Variants in ZFYVE27 observed in about 807,000 individuals in gnomAD.
The protein encoded by ZFYVE27 is zinc finger FYVE-type containing 27.
ZFYVE27 carries 36 observed loss-of-function variants against 52.8 expected under a neutral mutation model. That is an observed-to-expected ratio of 0.68 (90% CI 0.52 to 0.90). ZFYVE27 has a LOEUF of 0.90. Among genes scored for constraint, ZFYVE27 ranks in the 40% least tolerant of loss-of-function variants. The pLI is 0.00. For synonymous variants in ZFYVE27, 223 were observed against 215.6 expected (o/e 1.03, Z -0.30); for missense variants, 450 against 527.2 (o/e 0.85, Z 1.43).
Position 97,760,318 on chromosome 10 carries a change from C to G in ZFYVE27, c.*1018C>G, listed in dbSNP as rs999689940. 4.6e-5 allele frequency: 7 copies of G among 152,196 alleles called. No homozygotes were observed. Among genetic ancestry groups the G allele is most frequent in the African/African-American group, 1.7e-4 (7 of 41,416 alleles). 9.4% of individuals were successfully genotyped at this position (152,196 alleles called of 1,614,324 possible). On this transcript the variant is annotated 3_prime_UTR_variant, in exon 13 of 13. Transcript: ENST00000684270. ...GGACAGTCTCAGTTATGGGATAAGG[C>G]CCCCTGGGGGTCTCCATTTCTTTCC...
chr10:97,744,818 T>C lies in ZFYVE27; in HGVS notation c.358T>C (p.Ser120Pro). Residue 120 changes from serine to proline, a missense_variant, in exon 4 of 13, where the codon TCC becomes CCC. Physicochemically the swap from Ser to Pro is moderately conservative, Grantham distance 74 (BLOSUM62 -1). Transcript: ENST00000684270. ...QEVCRARLPD[S>P]ELMRRKYHSV... ...GGTTTGCCGGGCACGGCTGCCTGAT[T>C]CCGAGCTGATGCGGAGGAAGTATCA... 1 of 1,614,018 alleles carries C rather than the reference T, an allele frequency of 6.2e-7. No individual in the cohort carries two copies.
At chr10:97,742,945 C>G (rs2044139846) in intron 2 of ZFYVE27, 149 bp from the exon 3 acceptor site, 2 of 827,246 alleles carry the variant, frequency 2.4e-6, no homozygotes, top group Non-Finnish European at 4.2e-6. Flanking sequence ...GGTCACCAGT[C>G]CAAGTGAGAG....
At chr10:97,755,642 T>A (rs2048163726) in intron 10 of ZFYVE27, among the ~76,000 whole-genome samples, 1 of 152,146 alleles carries the variant, frequency 6.6e-6, no homozygotes, top group African/African-American at 2.4e-5. Flanking sequence ...CACATGTGAA[T>A]GTTAGGGGAC....
chr10:97,754,458 A>G (rs1016114441), intron 10 of ZFYVE27, among the ~76,000 whole-genome samples: 1 of 152,034 alleles, frequency 6.6e-6, no homozygotes, highest in African/African-American at 2.4e-5. Context: ...GACTACAGGC[A>G]TGTAGCACCA....
rs759236295 is a variant in ZFYVE27, at chr10:97,744,742, A to G, written c.282A>G (p.Ser94=). The change falls in exon 4 of 13, where the codon TCA becomes TCG. Residue 94 remains serine (S), a synonymous_variant. Transcript: ENST00000684270. ...FLTLNEGAWY[S]VGALMISVPA... ...TTGATTCTGCAGGTGCATGGTACTC[A>G]GTAGGTGCCCTGATGATTTCAGTGC... 1 of 1,613,788 alleles carries G rather than the reference A, an allele frequency of 6.2e-7. No homozygotes were observed. Among genetic ancestry groups the G allele is most frequent in the South Asian group, 1.1e-5 (1 of 91,044 alleles).
chr10:97,749,670 C>G, intron 6 of ZFYVE27, 84 bp downstream of exon 6: 1 of 1,113,654 alleles, frequency 9.0e-7, no homozygotes, highest in Admixed American at 1.7e-5. Context: ...GTCTCTACAG[C>G]TAATCATCAG....
intron 2 of ZFYVE27, among the ~76,000 whole-genome samples, chr10:97,741,603 A>G (rs75995069): frequency 0.12 from 18,613 of 152,010 alleles, 1,129 homozygotes; most frequent in South Asian, 0.17. Context: ...ATCACACACC[A>G]TGGCCTATTG....
intron 2 of ZFYVE27, among the ~76,000 whole-genome samples, chr10:97,741,533 A>G (rs946545320): frequency 6.6e-6 from 1 of 152,148 alleles, no homozygotes; most frequent in Non-Finnish European, 1.5e-5. Flanking sequence ...CAAACACCAC[A>G]TGTTCTCACT....
At chr10:97,756,745 A>G (rs1465627631) in intron 10 of ZFYVE27, among the ~76,000 whole-genome samples, 1 of 152,180 alleles carries the variant, frequency 6.6e-6, no homozygotes, top group African/African-American at 2.4e-5. Flanking sequence ...ACAGTTGAGC[A>G]TTCTACCCTT....
At chr10:97,755,897 C>G (rs1314199180) in intron 10 of ZFYVE27, among the ~76,000 whole-genome samples, 1 of 152,140 alleles carries the variant, frequency 6.6e-6, no homozygotes, top group Non-Finnish European at 1.5e-5. Flanking sequence ...TGAGTCCAGG[C>G]TGTTGCTGAG....
chr10:97,738,998 C>A (rs1032702608), intron 2 of ZFYVE27, among the ~76,000 whole-genome samples: 8 of 152,050 alleles, frequency 5.3e-5, no homozygotes, highest in African/African-American at 1.9e-4. Context: ...TTTTCCTTTG[C>A]CCCCAATATT....
chr10:97,754,245 C>T (rs939608621), intron 10 of ZFYVE27, among the ~76,000 whole-genome samples: 6 of 151,984 alleles, frequency 3.9e-5, no homozygotes, highest in Admixed American at 3.3e-4. Context: ...GTTGTTTTCT[C>T]AGGATTAGAT....
intron 7 of ZFYVE27, 114 bp downstream of exon 7, chr10:97,750,584 C>A: frequency 3.7e-6 from 5 of 1,358,262 alleles, no homozygotes; most frequent in South Asian, 1.2e-5. Flanking sequence ...ATTTCCCAGG[C>A]CTTAACTCCC....
At chr10:97,748,943 A>G (rs1394060020) in intron 5 of ZFYVE27, among the ~76,000 whole-genome samples, 5 of 152,220 alleles carry the variant, frequency 3.3e-5, no homozygotes, top group African/African-American at 4.8e-5. Context: ...TACCATATCA[A>G]ACAGAATGGG....
chr10:97,760,811 T>C lies in ZFYVE27; in HGVS notation c.*1511T>C, dbSNP rs2049342096. ...GTCCTTTTAAGAGAGGAGAGTTCAG[T>C]ACCCCGTGCTTTCTTTACACTGGAG... On this transcript the variant is annotated 3_prime_UTR_variant, in exon 13 of 13. Transcript: ENST00000684270. 1 of 152,266 alleles carries C rather than the reference T, an allele frequency of 6.6e-6. No homozygotes were observed. The highest frequency in any genetic ancestry group is 1.5e-5 in the Non-Finnish European group (1 of 68,070). 9.4% of individuals were successfully genotyped at this position (152,266 alleles called of 1,614,324 possible).
At chr10:97,747,728 T>C (rs2045850361) in intron 4 of ZFYVE27, among the ~76,000 whole-genome samples, 1 of 152,148 alleles carries the variant, frequency 6.6e-6, no homozygotes, top group South Asian at 2.1e-4. Context: ...CATCTTATAC[T>C]TCCCTGCCCC....
chr10:97,740,418 C>T, intron 2 of ZFYVE27, among the ~76,000 whole-genome samples: 1 of 152,218 alleles, frequency 6.6e-6, no homozygotes, highest in South Asian at 2.1e-4. Flanking sequence ...ATAATCTCAG[C>T]ATGATGTGAA....
chr10:97,744,741 CAGTA>C lies in ZFYVE27; in HGVS notation c.282_285del (p.Gly96ProfsTer2). ...TTTGATTCTGCAGGTGCATGGTACT[CAGTA>C]GGTGCCCTGATGATTTCAGTGCCCG... is the stretch of plus-strand genomic sequence containing the variant. On this transcript the variant is annotated frameshift_variant, in exon 4 of 13. Coordinates refer to ENST00000684270, the MANE Select transcript of ZFYVE27 (RefSeq NM_001385875.1). LOFTEE classifies it high-confidence loss of function. 6.2e-7 allele frequency: 1 copy of C among 1,613,732 alleles called. No individual in the cohort carries two copies. The highest frequency in any genetic ancestry group is 1.1e-5 in the South Asian group (1 of 91,032).
At chr10:97,748,170 A>G in intron 4 of ZFYVE27, 99 bp from the exon 5 acceptor site, 1 of 1,106,360 alleles carries the variant, frequency 9.0e-7, no homozygotes, top group East Asian at 2.5e-5. Context: ...GTGTGTTTAA[A>G]GAGATTGACC....
Sources: allele counts gnomAD v4.1 joint callset (sites outside exome capture counted in the v4.1 genomes callset), GRCh38; gene constraint gnomAD v4.1.1; transcripts MANE v1.5; gene names NCBI Gene and HGNC (gene_info 2026-07-23, HGNC 2026-07-21).